Variants in C3orf70 observed in about 807,000 individuals in gnomAD.
The protein encoded by C3orf70 is chromosome 3 open reading frame 70.
C3orf70 carries 15 observed loss-of-function variants against 20.7 expected under a neutral mutation model. The observed-to-expected ratio is 0.72, with a 90% CI of 0.48 to 1.11. The LOEUF (loss-of-function observed/expected upper bound fraction) is 1.11, where lower values mean the gene tolerates loss of function less well. C3orf70 is among the 50% of genes most tolerant of loss of function. The probability of loss-of-function intolerance (pLI) is 0.00; values close to 1 mark genes in which losing one functional copy is unlikely to be tolerated. For missense variants in C3orf70, 332 were observed against 317.6 expected, an observed-to-expected ratio of 1.05 and a Z score of -0.34; for synonymous variants, 161 against 125.7, an observed-to-expected ratio of 1.28 and a Z score of -1.88.
At chr3:185,116,387 A>T (rs1409327924) in intron 1 of C3orf70, among the ~76,000 whole-genome samples, 1 of 152,236 alleles carries the variant, frequency 6.6e-6, no homozygotes, top group Admixed American at 6.5e-5. Flanking sequence ...ATAGAATGTC[A>T]TATCTACTCA....
chr3:185,122,294 A>T (rs1716318828), intron 1 of C3orf70, among the ~76,000 whole-genome samples: 1 of 152,142 alleles, frequency 6.6e-6, no homozygotes, highest in Non-Finnish European at 1.5e-5. Context: ...AATATGTATA[A>T]ACCTAACAAT....
chr3:185,139,139 G>A (rs1393250887), intron 1 of C3orf70, among the ~76,000 whole-genome samples: 1 of 151,184 alleles, frequency 6.6e-6, no homozygotes, highest in African/African-American at 2.4e-5. Context: ...GGGAGCGGGA[G>A]GAGGAAGGAG....
At chr3:185,102,737 C>T (rs982185635) in intron 1 of C3orf70, among the ~76,000 whole-genome samples, 3 of 152,052 alleles carry the variant, frequency 2.0e-5, no homozygotes, top group Non-Finnish European at 4.4e-5. Flanking sequence ...AGAATAGAGC[C>T]CCAAAATAAG....
At chr3:185,132,541 C>T (rs1441748953) in intron 1 of C3orf70, among the ~76,000 whole-genome samples, 1 of 151,616 alleles carries the variant, frequency 6.6e-6, no homozygotes, top group Admixed American at 6.6e-5. Flanking sequence ...AAAGCATATC[C>T]GAAGAAATTC....
chr3:185,124,270 A>T (rs1716365815), intron 1 of C3orf70, among the ~76,000 whole-genome samples: 1 of 152,234 alleles, frequency 6.6e-6, no homozygotes, highest in South Asian at 2.1e-4. Flanking sequence ...ATGACTGTAC[A>T]TGAAGAAAAA....
intron 1 of C3orf70, among the ~76,000 whole-genome samples, chr3:185,109,007 T>C (rs1236941643): frequency 1.3e-5 from 2 of 152,220 alleles, no homozygotes; most frequent in Non-Finnish European, 2.9e-5. Context: ...TAGCTACATT[T>C]TTCTCTATGT....
intron 1 of C3orf70, among the ~76,000 whole-genome samples, chr3:185,137,067 G>A (rs561439691): frequency 4.8e-4 from 73 of 152,268 alleles, no homozygotes; most frequent in Non-Finnish European, 8.8e-4. Flanking sequence ...GAATTCCCAC[G>A]TTTTGTAGGA....
At chr3:185,092,259 G>A (rs1460173081) in intron 1 of C3orf70, among the ~76,000 whole-genome samples, 2 of 152,034 alleles carry the variant, frequency 1.3e-5, no homozygotes, top group African/African-American at 2.4e-5. Context: ...TGTTATTCTT[G>A]CTGCTTACAG....
chr3:185,124,660 T>A (rs539941422), intron 1 of C3orf70, among the ~76,000 whole-genome samples: 1 of 152,038 alleles, frequency 6.6e-6, no homozygotes, highest in South Asian at 2.1e-4. Context: ...ACGAAAAGCA[T>A]AAACCGTTAA....
chr3:185,113,386 T>C (rs1057210600), intron 1 of C3orf70, among the ~76,000 whole-genome samples: 1 of 152,102 alleles, frequency 6.6e-6, no homozygotes, highest in Admixed American at 6.6e-5. Context: ...ATTCTAAGAA[T>C]AGAGGCTGAA....
At position 185,077,210 on chromosome 3, in the gene C3orf70, G is replaced by T. The variant is rs1387912823; in HGVS notation, c.*5797C>A. On this transcript the variant is annotated 3_prime_UTR_variant, in exon 2 of 2. Transcript: ENST00000335012. ...CAGTGTTTCTCCTCCACTGTGTTGG[G>T]ACCAGGTGCACTGAGGTAGACGAGG... is the stretch of plus-strand genomic sequence containing the variant. 1.3e-5 allele frequency among the ~76,000 whole-genome samples: 2 copies of T among 152,172 alleles called. No individual in the cohort carries two copies. The highest frequency in any genetic ancestry group is 2.9e-5 in the Non-Finnish European group (2 of 68,040).
At chr3:185,123,337 T>C (rs1716345240) in intron 1 of C3orf70, among the ~76,000 whole-genome samples, 1 of 152,144 alleles carries the variant, frequency 6.6e-6, no homozygotes, top group African/African-American at 2.4e-5. Context: ...CTCGGCTCTT[T>C]GAAAGAGGAC....
intron 1 of C3orf70, among the ~76,000 whole-genome samples, chr3:185,136,912 C>CAAT (rs1384040705): frequency 3.0e-3 from 1 of 338 alleles, no homozygotes; most frequent in African/African-American, 8.5e-3. Flanking sequence ...TGTCTCAAAA[C>CAAT]AACAACAACA....
At chr3:185,083,675 A>C (rs1359818890) in intron 1 of C3orf70, 112 bp from the exon 2 acceptor site, 1 of 819,204 alleles carries the variant, frequency 1.2e-6, no homozygotes, top group African/African-American at 1.7e-5. Flanking sequence ...TAACACCTCA[A>C]AAGAAACTAG....
At chr3:185,091,434 G>A (rs914951069) in intron 1 of C3orf70, among the ~76,000 whole-genome samples, 3 of 152,130 alleles carry the variant, frequency 2.0e-5, no homozygotes, top group Non-Finnish European at 4.4e-5. Flanking sequence ...AGATTACTGA[G>A]GAAGCAAGTA....
chr3:185,078,040 A>C lies in C3orf70; in HGVS notation c.*4967T>G, dbSNP rs1170002212. ...TTTGGGGTTGGGTACACTCCAAAAC[A>C]GCAGATTTGTTCTGGTATAAAAGAA... On this transcript the variant is annotated 3_prime_UTR_variant, in exon 2 of 2. Coordinates refer to ENST00000335012, the MANE Select transcript of C3orf70 (RefSeq NM_001025266.3). 6.6e-6 allele frequency: 1 copy of C among 152,560 alleles called. No individual in the cohort carries two copies. Among genetic ancestry groups the C allele is most frequent in the Admixed American group, 6.5e-5 (1 of 15,280 alleles). The allele number at this position is 152,560 out of a possible 1,614,324, so 9.5% of individuals were successfully genotyped here.
At chr3:185,087,448 CAA>C (rs1715481749) in intron 1 of C3orf70, among the ~76,000 whole-genome samples, 1 of 152,162 alleles carries the variant, frequency 6.6e-6, no homozygotes, top group Admixed American at 6.5e-5. Context: ...AACAGATAAA[CAA>C]GAGGTCATAT....
intron 1 of C3orf70, among the ~76,000 whole-genome samples, chr3:185,093,527 G>A (rs1252089701): frequency 6.6e-6 from 1 of 152,058 alleles, no homozygotes; most frequent in Non-Finnish European, 1.5e-5. Context: ...AACAACTAGG[G>A]GGAAAGAGAA....
At chr3:185,089,511 A>ACATTCTT (rs1158857402) in intron 1 of C3orf70, among the ~76,000 whole-genome samples, 1 of 152,148 alleles carries the variant, frequency 6.6e-6, no homozygotes, top group Admixed American at 6.5e-5. Context: ...GAACTTACAC[A>ACATTCTT]CATTCTTCAG....
Sources: allele counts gnomAD v4.1 joint callset (sites outside exome capture counted in the v4.1 genomes callset), GRCh38; gene constraint gnomAD v4.1.1; transcripts MANE v1.5; gene names NCBI Gene and HGNC (gene_info 2026-07-23, HGNC 2026-07-21).